Variants in METTL13 observed in about 807,000 individuals in gnomAD.
The protein encoded by METTL13 is methyltransferase 13, eEF1A N-terminus and K55.
Under a neutral mutation model 67.4 loss-of-function variants are expected in METTL13, and 52 were observed. That is an observed-to-expected ratio of 0.77 (90% CI 0.62 to 0.97). METTL13 has a LOEUF of 0.97. METTL13 is among the 50% of genes least tolerant of loss of function. The pLI is 0.00. For missense variants in METTL13, 825 were observed against 889.6 expected, an observed-to-expected ratio of 0.93 and a Z score of 0.92; for synonymous variants, 354 against 353.6, an observed-to-expected ratio of 1.00 and a Z score of -0.01.
At chr1:171,793,691 G>T (rs544722976) in intron 6 of METTL13, among the ~76,000 whole-genome samples, 1 of 152,358 alleles carries the variant, frequency 6.6e-6, no homozygotes, top group East Asian at 1.9e-4. Flanking sequence ...ATAGTAAGGA[G>T]CAGATCCATT....
In METTL13 at chr1:171,783,912, A is replaced by C; in HGVS notation, c.326A>C (p.Glu109Ala). The C allele has an allele frequency of 6.2e-7, 1 of 1,614,198 alleles. No homozygotes were observed. Among genetic ancestry groups the C allele is most frequent in the Non-Finnish European group, 8.5e-7 (1 of 1,180,036 alleles). Residue 109 changes from glutamate (E) to alanine (A), a missense_variant, in exon 2 of 8, where the codon GAG becomes GCG. Glu to Ala is a moderately radical substitution (Grantham distance 107). Transcript: ENST00000361735. ...TTGAAGATGGACATGACGCAGATGG[A>C]GTTTCCTGATGCCTCGTTCCAGGTG... Reference protein sequence around the residue: ...SFLKMDMTQMEFPDASFQVVL... With the variant: ...SFLKMDMTQMAFPDASFQVVL...
At chr1:171,793,068 G>A (rs1362391124) in intron 6 of METTL13, among the ~76,000 whole-genome samples, 1 of 152,138 alleles carries the variant, frequency 6.6e-6, no homozygotes, top group Non-Finnish European at 1.5e-5. Flanking sequence ...AGTCCTTCGG[G>A]GAGAAGGCAG....
chr1:171,794,502 G>T lies in METTL13; in HGVS notation c.1800G>T (p.Lys600Asn). The T allele has an allele frequency of 6.2e-7, 1 of 1,614,230 alleles. No homozygotes were observed. Among genetic ancestry groups the T allele is most frequent in the Non-Finnish European group, 8.5e-7 (1 of 1,180,036 alleles). ...PAFVEQSFLQ[K>N]VKSILTPEGV... ...TTGTGGAGCAATCTTTTCTACAGAAGGTTAAAAGCATCTTGACTCCTGAAG... is the reference window on the plus strand; with the variant it reads ...TTGTGGAGCAATCTTTTCTACAGAATGTTAAAAGCATCTTGACTCCTGAAG... Residue 600 changes from lysine (K) to asparagine (N), a missense_variant, in exon 7 of 8, where the codon AAG becomes AAT. Physicochemically the swap from Lys to Asn is moderately conservative, Grantham distance 94. Transcript: ENST00000361735.
At chr1:171,784,563 T>G in intron 2 of METTL13, 64 bp downstream of exon 2, 17 of 1,337,328 alleles carry the variant, frequency 1.3e-5, no homozygotes, top group South Asian at 1.7e-5. Flanking sequence ...GGGCTTGGGC[T>G]GGGGCTGGGG....
intron 4 of METTL13, among the ~76,000 whole-genome samples, chr1:171,788,889 A>G (rs1280573198): frequency 6.6e-6 from 1 of 152,188 alleles, no homozygotes; most frequent in Non-Finnish European, 1.5e-5. Context: ...GAGAATTCAG[A>G]TGCTTGAGGT....
chr1:171,792,197 G>A lies in METTL13; in HGVS notation c.1655G>A (p.Gly552Asp), dbSNP rs1254167364. 6.2e-7 allele frequency: 1 copy of A among 1,614,208 alleles called. No individual in the cohort carries two copies. The highest frequency in any genetic ancestry group is 8.5e-7 in the Non-Finnish European group (1 of 1,180,042). The change falls in exon 6 of 8, where the codon GGC (glycine) becomes GAC (aspartate). Residue 552 changes from glycine (G) to aspartate (D), a missense_variant. Gly to Asp is a moderately conservative substitution (Grantham distance 94). Transcript: ENST00000361735. ...SDRMKVHIADGLDYIASLAGG... is the reference protein window; with the variant it reads ...SDRMKVHIADDLDYIASLAGG... Reference sequence around the variant, plus strand: ...CGAATGAAGGTCCACATTGCAGATGGCCTGGACTATATCGCCAGCTTGGCA... The same window carrying A: ...CGAATGAAGGTCCACATTGCAGATGACCTGGACTATATCGCCAGCTTGGCA...
At chr1:171,793,668 A>G (rs1039870322) in intron 6 of METTL13, among the ~76,000 whole-genome samples, 3 of 152,232 alleles carry the variant, frequency 2.0e-5, no homozygotes, top group Non-Finnish European at 4.4e-5. Context: ...CCTTATAAAA[A>G]CAATTTAACA....
At chr1:171,789,411 C>T (rs997007200) in intron 4 of METTL13, among the ~76,000 whole-genome samples, 1 of 152,012 alleles carries the variant, frequency 6.6e-6, no homozygotes, top group Non-Finnish European at 1.5e-5. Context: ...CTTGTGATTT[C>T]CTTCTTCAGC....
rs895662667 is a variant in METTL13, at chr1:171,784,215, C to G, written c.629C>G (p.Thr210Ser). ...TTGCCTGTCTTTGCCTTCATCATGA[C>G]CAAGTTCAGGCCAGTCCCTGGCTCT... is the stretch of plus-strand genomic sequence containing the variant. ...FSLPVFAFIMTKFRPVPGSAL... is the reference protein window; with the variant it reads ...FSLPVFAFIMSKFRPVPGSAL... The change falls in exon 2 of 8, where the codon ACC becomes AGC. Residue 210 changes from threonine to serine, a missense_variant. Physicochemically the swap from Thr to Ser is moderately conservative, Grantham distance 58. Transcript: ENST00000361735. 4 of 1,614,014 alleles carry G rather than the reference C, an allele frequency of 2.5e-6. No homozygotes were observed.
chr1:171,794,350 T>G (rs1657296882), intron 6 of METTL13, 46 bp from the exon 7 acceptor site: 1 of 1,613,076 alleles, frequency 6.2e-7, no homozygotes, highest in Non-Finnish European at 8.5e-7. Context: ...TAAATGGTAT[T>G]ATTTTATCCA....
In METTL13 at chr1:171,787,856, G is replaced by A. The variant is rs375442520; in HGVS notation, c.1235G>A (p.Arg412His). Residue 412 changes from arginine to histidine, a missense_variant, in exon 4 of 8, where the codon CGT becomes CAT. Transcript: ENST00000361735. The part of the protein sequence containing the change: ...DVQGDDKRYF[R>H]RLIFLSNRNV... ...CAAGGGGATGACAAGCGATACTTCCGTCGACTGATCTTCCTCAGCAACAGG... is the reference window on the plus strand; with the variant it reads ...CAAGGGGATGACAAGCGATACTTCCATCGACTGATCTTCCTCAGCAACAGG... The A allele has an allele frequency of 1.9e-5, 30 of 1,614,044 alleles. No homozygotes were observed. Among genetic ancestry groups the A allele is most frequent in the Non-Finnish European group, 2.5e-5 (29 of 1,180,024 alleles).
At chr1:171,784,587 G>C (rs1364086705) in intron 2 of METTL13, 88 bp downstream of exon 2, 4 of 1,391,552 alleles carry the variant, frequency 2.9e-6, no homozygotes, top group Non-Finnish European at 3.7e-6. Flanking sequence ...AGGCTGGGCT[G>C]GGGCTTTGGT....
intron 4 of METTL13, among the ~76,000 whole-genome samples, chr1:171,788,901 A>G (rs1374985333): frequency 6.6e-6 from 1 of 152,176 alleles, no homozygotes; most frequent in East Asian, 1.9e-4. Context: ...GCTTGAGGTC[A>G]TAGACTGGCT....
chr1:171,790,173 G>A (rs1276479091), intron 4 of METTL13, among the ~76,000 whole-genome samples: 4 of 152,128 alleles, frequency 2.6e-5, no homozygotes, highest in Admixed American at 6.6e-5. Flanking sequence ...CAATACCATG[G>A]GGAAGGCACC....
In METTL13 at chr1:171,781,957, G is replaced by T. The variant is rs566569930; in HGVS notation, c.-11G>T. On this transcript the variant is annotated 5_prime_UTR_variant, in exon 1 of 8. Coordinates refer to ENST00000361735, the MANE Select transcript of METTL13 (RefSeq NM_015935.5). ...GGGGAGTCTTGAAAACGCAGCTTCG[G>T]CAGTAGGAACATGAACCTCTTACCT... The T allele has an allele frequency of 1.7e-5, 27 of 1,613,964 alleles. No individual in the cohort carries two copies. In the Middle Eastern group the frequency reaches 9.9e-4, roughly 59 times the overall value.
At chr1:171,786,874 T>G (rs894977655) in intron 3 of METTL13, among the ~76,000 whole-genome samples, 3 of 152,022 alleles carry the variant, frequency 2.0e-5, no homozygotes, top group Non-Finnish European at 4.4e-5. Flanking sequence ...GGTCTCCCTA[T>G]GTTGCCCAAG....
At chr1:171,792,802 G>A (rs1007795232) in intron 6 of METTL13, among the ~76,000 whole-genome samples, 1 of 152,046 alleles carries the variant, frequency 6.6e-6, no homozygotes, top group African/African-American at 2.4e-5. Flanking sequence ...TGTTCAGGAC[G>A]GGCACTGATG....
Position 171,783,795 on chromosome 1 carries a change from G to A in METTL13, c.209G>A (p.Gly70Asp). The A allele has an allele frequency of 6.2e-7, 1 of 1,614,078 alleles. No individual in the cohort carries two copies. Among genetic ancestry groups the A allele is most frequent in the Non-Finnish European group, 8.5e-7 (1 of 1,179,964 alleles). The change falls in exon 2 of 8, where the codon GGC (glycine) becomes GAC (aspartate). Residue 70 changes from glycine (G) to aspartate (D), a missense_variant. Physicochemically the swap from Gly to Asp is moderately conservative, Grantham distance 94. Transcript: ENST00000361735. ...CTGAGTGAGCAACTGTATGATGTGG[G>A]CTATCGGGATATAGTGAACATCGAC... Reference protein sequence around the residue: ...SELSEQLYDVGYRDIVNIDIS... With the variant: ...SELSEQLYDVDYRDIVNIDIS...
chr1:171,794,526 AG>A lies in METTL13; in HGVS notation c.1825+1del, dbSNP rs1657304387. The A allele has an allele frequency of 6.2e-7, 1 of 1,614,078 alleles. No individual in the cohort carries two copies. Among genetic ancestry groups the A allele is most frequent in the Non-Finnish European group, 8.5e-7 (1 of 1,180,010 alleles). On this transcript the variant is annotated frameshift_variant and splice_region_variant, in exon 7 of 8. Transcript: ENST00000361735. LOFTEE classifies it high-confidence loss of function. ...QKVKSILTPE[G>X]VFILNLVCRD... ...AGGTTAAAAGCATCTTGACTCCTGA[AG>A]GTATGGAGAACAAAAGGTGGGAGAG...
Sources: gnomAD v4.1 joint callset for allele counts (sites outside exome capture counted in the v4.1 genomes callset) on GRCh38, gnomAD v4.1.1 for gene constraint, MANE v1.5 for transcripts, NCBI Gene and HGNC (gene_info 2026-07-23, HGNC 2026-07-21) for gene names.